FSTL5: variants seen among roughly 807,000 people sequenced by gnomAD.
FSTL5 encodes the protein follistatin like 5, also known as follistatin-related protein 5.
Under a neutral mutation model 89.1 loss-of-function variants are expected in FSTL5, and 62 were observed. The ratio of observed to expected loss-of-function variants is 0.70; its 90% CI spans 0.57 to 0.86. The LOEUF (loss-of-function observed/expected upper bound fraction) is 0.86, where lower values mean the gene tolerates loss of function less well. Among genes scored for constraint, FSTL5 ranks in the 40% least tolerant of loss-of-function variants. The pLI is 0.00. For missense variants in FSTL5, 1,057 were observed against 1,001.6 expected, an observed-to-expected ratio of 1.06 and a Z score of -0.75; for synonymous variants, 383 against 346.2, an observed-to-expected ratio of 1.11 and a Z score of -1.18.
intron 5 of FSTL5, among the ~76,000 whole-genome samples, chr4:161,764,932 T>C (rs902684448): frequency 3.3e-5 from 5 of 152,206 alleles, no homozygotes; most frequent in Admixed American, 2.6e-4. Flanking sequence ...GTTACTAACA[T>C]TTCCAGGTAC....
intron 2 of FSTL5, among the ~76,000 whole-genome samples, chr4:162,048,672 G>A (rs961724887): frequency 1.3e-5 from 2 of 151,858 alleles, no homozygotes; most frequent in Non-Finnish European, 2.9e-5. Flanking sequence ...TATTATTCCA[G>A]AGCTTTTGTT....
intron 1 of FSTL5, among the ~76,000 whole-genome samples, chr4:162,148,488 T>C (rs2111503900): frequency 1.3e-5 from 2 of 152,312 alleles, no homozygotes; most frequent in African/African-American, 4.8e-5. Context: ...AACATAATGC[T>C]TTATTGAAAA....
rs78317454 is a variant in FSTL5 at position 161,641,279 on chromosome 4, C to T, written c.894+15049G>A. Among the ~76,000 whole-genome samples, 912 of 152,228 alleles carry T rather than the reference C, an allele frequency of 6.0e-3. 16 individuals are homozygous for T. Among genetic ancestry groups the T allele is most frequent in the South Asian group, 0.047 (225 of 4,824 alleles). On this transcript the variant is annotated intron_variant, in intron 7 of 15. Coordinates refer to ENST00000306100, the MANE Select transcript of FSTL5 (RefSeq NM_020116.5). ...TTTTAATTTCTACATGATAAAAGCT[C>T]AATTATCATAACTTTGGTTTGTAAC...
chr4:161,775,575 A>G (rs1004243975), intron 5 of FSTL5, among the ~76,000 whole-genome samples: 2 of 152,106 alleles, frequency 1.3e-5, no homozygotes, highest in Non-Finnish European at 2.9e-5. Flanking sequence ...TCCAGAATAC[A>G]TTAGGAAAGA....
At chr4:161,651,704 G>C (rs1334443578) in intron 7 of FSTL5, among the ~76,000 whole-genome samples, 1 of 152,034 alleles carries the variant, frequency 6.6e-6, no homozygotes, top group East Asian at 1.9e-4. Context: ...TACCGATAAG[G>C]GTGCTGAGAC....
chr4:162,141,476 G>A (rs77238253), intron 1 of FSTL5, among the ~76,000 whole-genome samples: 14,752 of 152,016 alleles, frequency 0.097, 1,038 homozygotes, highest in African/African-American at 0.19. Context: ...TTTGTCTTCT[G>A]CCATGATTGT....
At chr4:161,905,245 A>G (rs1733488726) in intron 4 of FSTL5, among the ~76,000 whole-genome samples, 1 of 152,186 alleles carries the variant, frequency 6.6e-6, no homozygotes, top group African/African-American at 2.4e-5. Context: ...TAATTTATAT[A>G]CAATTTCATA....
intron 15 of FSTL5, among the ~76,000 whole-genome samples, chr4:161,398,309 C>T (rs1731070818): frequency 1.3e-5 from 2 of 151,950 alleles, no homozygotes; most frequent in African/African-American, 4.8e-5. Flanking sequence ...AATGAAATTC[C>T]ACGCTGCAGT....
chr4:161,748,821 T>C (rs1465803142), intron 6 of FSTL5, among the ~76,000 whole-genome samples: 1 of 152,066 alleles, frequency 6.6e-6, no homozygotes, highest in Non-Finnish European at 1.5e-5. Flanking sequence ...TGAAAAACAC[T>C]TATGTATGGT....
At chr4:161,496,648 G>C (rs1303348766) in intron 12 of FSTL5, among the ~76,000 whole-genome samples, 2 of 152,086 alleles carry the variant, frequency 1.3e-5, no homozygotes, top group African/African-American at 4.8e-5. Flanking sequence ...TTTGGACTTA[G>C]GACTGCAACA....
intron 7 of FSTL5, among the ~76,000 whole-genome samples, chr4:161,636,363 G>A (rs1374138850): frequency 6.6e-6 from 1 of 150,498 alleles, no homozygotes. Context: ...GTAATTAGGT[G>A]TCTTTCTATA....
chr4:161,630,663 T>G (rs1187071809), intron 7 of FSTL5, among the ~76,000 whole-genome samples: 1 of 152,186 alleles, frequency 6.6e-6, no homozygotes, highest in East Asian at 1.9e-4. Flanking sequence ...ATAATAAATA[T>G]TATGACTTCA....
chr4:162,088,951 C>T (rs1013797972), intron 2 of FSTL5, among the ~76,000 whole-genome samples: 1 of 152,054 alleles, frequency 6.6e-6, no homozygotes, highest in South Asian at 2.1e-4. Context: ...TACTTGATCC[C>T]CAATGCATCA....
chr4:161,935,472 G>A (rs960199420), intron 3 of FSTL5, among the ~76,000 whole-genome samples: 2 of 151,988 alleles, frequency 1.3e-5, no homozygotes, highest in Non-Finnish European at 2.9e-5. Flanking sequence ...TAGAACTAAG[G>A]AAGTTAGTGT....
chr4:161,481,363 C>T (rs1433221169), intron 12 of FSTL5, among the ~76,000 whole-genome samples, 194 bp from the exon 13 acceptor site: 5 of 151,918 alleles, frequency 3.3e-5, no homozygotes, highest in African/African-American at 9.7e-5. Flanking sequence ...AAATGAGATT[C>T]CTTTAAAATA....
At chr4:162,069,027 T>G (rs1729479337) in intron 2 of FSTL5, among the ~76,000 whole-genome samples, 1 of 152,044 alleles carries the variant, frequency 6.6e-6, no homozygotes, top group African/African-American at 2.4e-5. Context: ...TGGTGATTAT[T>G]AAAAGGTCAA....
chr4:161,621,462 T>G (rs1735122287), intron 7 of FSTL5, among the ~76,000 whole-genome samples: 1 of 152,128 alleles, frequency 6.6e-6, no homozygotes, highest in African/African-American at 2.4e-5. Context: ...AAGAGAAATT[T>G]AACTTAAACT....
intron 3 of FSTL5, among the ~76,000 whole-genome samples, chr4:162,021,734 T>C (rs745987559): frequency 1.3e-5 from 2 of 152,078 alleles, no homozygotes; most frequent in Non-Finnish European, 2.9e-5. Flanking sequence ...AGCTAAATAA[T>C]GGACATAGAG....
At chr4:161,563,327 C>T (rs1015444542) in intron 8 of FSTL5, among the ~76,000 whole-genome samples, 4 of 151,848 alleles carry the variant, frequency 2.6e-5, no homozygotes, top group Admixed American at 2.6e-4. Flanking sequence ...AGTGGAACTG[C>T]TTTATCGTAT....
Sources: allele counts gnomAD v4.1 joint callset (sites outside exome capture counted in the v4.1 genomes callset), GRCh38; gene constraint gnomAD v4.1.1; transcripts MANE v1.5; gene names NCBI Gene and HGNC (gene_info 2026-07-23, HGNC 2026-07-21).